The following ZDHHC18 variants were observed in gnomAD, a reference collection of about 807,000 sequenced individuals.
ZDHHC18 encodes the protein palmitoyltransferase ZDHHC18.
Under a neutral mutation model 37.5 loss-of-function variants are expected in ZDHHC18, and 23 were observed. The observed-to-expected ratio is 0.61, with a 90% CI of 0.44 to 0.87. The LOEUF is 0.87. Among genes scored for constraint, ZDHHC18 ranks in the 40% least tolerant of loss-of-function variants. The pLI, the probability that ZDHHC18 is intolerant of heterozygous loss-of-function variation, is 0.00. For missense variants in ZDHHC18, 406 were observed against 525.6 expected, an observed-to-expected ratio of 0.77 and a Z score of 2.22; for synonymous variants, 185 against 218.7, an observed-to-expected ratio of 0.85 and a Z score of 1.36.
intron 3 of ZDHHC18, among the ~76,000 whole-genome samples, chr1:26,849,340 C>G (rs1261408922): frequency 6.6e-6 from 1 of 152,140 alleles, no homozygotes; most frequent in Non-Finnish European, 1.5e-5. Context: ...GATGGGCACC[C>G]TGAGAGGGTG....
At chr1:26,848,067 G>C (rs780885602) in intron 2 of ZDHHC18, among the ~76,000 whole-genome samples, 21 of 152,256 alleles carry the variant, frequency 1.4e-4, no homozygotes, top group Non-Finnish European at 2.8e-4. Flanking sequence ...AATCCTGGCT[G>C]TTTGGGAAGC....
intron 2 of ZDHHC18, among the ~76,000 whole-genome samples, chr1:26,841,133 C>T (rs1302402342): frequency 1.3e-5 from 2 of 152,074 alleles, no homozygotes; most frequent in Non-Finnish European, 2.9e-5. Flanking sequence ...CACACCACCA[C>T]ACCTGGCTAA....
intron 2 of ZDHHC18, among the ~76,000 whole-genome samples, chr1:26,839,867 G>T (rs2081629614): frequency 6.6e-6 from 1 of 152,182 alleles, no homozygotes; most frequent in Non-Finnish European, 1.5e-5. Flanking sequence ...GCACTGTCCG[G>T]TCTGAGAATC....
chr1:26,845,097 GT>G (rs1031485915), intron 2 of ZDHHC18, among the ~76,000 whole-genome samples: 72 of 151,682 alleles, frequency 4.7e-4, no homozygotes, highest in African/African-American at 1.7e-3. Context: ...GCTAATTTTT[GT>G]ATTTTTAGTA....
intron 2 of ZDHHC18, among the ~76,000 whole-genome samples, chr1:26,842,212 A>G (rs2124258489): frequency 6.6e-6 from 1 of 152,054 alleles, no homozygotes; most frequent in South Asian, 2.1e-4. Context: ...CTTGGCTTCA[A>G]GCAATCTTCC....
chr1:26,828,799 A>G (rs1240702391), intron 1 of ZDHHC18, among the ~76,000 whole-genome samples: 1 of 150,928 alleles, frequency 6.6e-6, no homozygotes, highest in Admixed American at 6.6e-5. Context: ...TTTCAGATCC[A>G]CTTCCCTGGG....
chr1:26,843,267 C>T (rs541458336), intron 2 of ZDHHC18, among the ~76,000 whole-genome samples: 29 of 151,214 alleles, frequency 1.9e-4, no homozygotes, highest in African/African-American at 6.5e-4. Flanking sequence ...CTCAGCCTCC[C>T]GAGTAGCTGG....
At chr1:26,852,237 T>G (rs984713318) in intron 6 of ZDHHC18, among the ~76,000 whole-genome samples, 10 of 152,238 alleles carry the variant, frequency 6.6e-5, no homozygotes, top group African/African-American at 2.4e-4. Flanking sequence ...GTCAAGGTAT[T>G]CTTTATTGCT....
rs984089338 is a variant in ZDHHC18, at chr1:26,853,768, G to T, written c.1092G>T (p.Leu364Phe). 3.1e-6 allele frequency: 5 copies of T among 1,613,904 alleles called. No homozygotes were observed. Among genetic ancestry groups the T allele is most frequent in the Non-Finnish European group, 4.2e-6 (5 of 1,180,026 alleles). ...RRGFVQSDTV[L>F]PSPIRSDEPA... is the part of the protein sequence containing the mutation. ...GATTTGTGCAGTCCGACACCGTGTTGCCCTCACCCATCAGAAGCGATGAGC... is the reference window on the plus strand; with the variant it reads ...GATTTGTGCAGTCCGACACCGTGTTTCCCTCACCCATCAGAAGCGATGAGC... The change falls in exon 8 of 8, where the codon TTG becomes TTT. Residue 364 changes from leucine to phenylalanine, a missense_variant. By Grantham distance (22) the Leu-to-Phe change is conservative. Transcript: ENST00000374142.
At chr1:26,836,188 G>T (rs1252204664) in intron 2 of ZDHHC18, among the ~76,000 whole-genome samples, 1 of 152,168 alleles carries the variant, frequency 6.6e-6, no homozygotes, top group East Asian at 1.9e-4. Context: ...AGTGACAGAT[G>T]CTCACTTAGA....
chr1:26,832,589 G>A lies in ZDHHC18; in HGVS notation c.478G>A (p.Ala160Thr), dbSNP rs201275005. ...LPRATVCEAA[A>T]LEKQIDNTGS... is the part of the protein sequence containing the mutation. ...CCGGGCCACTGTCTGTGAAGCAGCCGCCCTGGAGAAACAGATCGGTGAGGT... is the reference window on the plus strand; with the variant it reads ...CCGGGCCACTGTCTGTGAAGCAGCCACCCTGGAGAAACAGATCGGTGAGGT... The change falls in exon 2 of 8, where the codon GCC (alanine) becomes ACC (threonine). Residue 160 changes from alanine (A) to threonine (T), a missense_variant. Transcript: ENST00000374142. 9.4e-5 allele frequency: 151 copies of A among 1,614,006 alleles called. No individual in the cohort carries two copies. The highest frequency in any genetic ancestry group is 4.0e-4 in the Admixed American group (24 of 59,994).
In ZDHHC18 at chr1:26,850,467, T is replaced by G. The variant is rs1274348377; in HGVS notation, c.784+29T>G. The G allele has an allele frequency of 6.2e-7, 1 of 1,613,692 alleles. No homozygotes were observed. The highest frequency in any genetic ancestry group is 8.5e-7 in the Non-Finnish European group (1 of 1,179,946). On this transcript the variant is annotated intron_variant, in intron 4 of 7. Transcript: ENST00000374142. The surrounding 1 kb of genome is among the most constrained non-coding windows in gnomAD (Gnocchi z 6.1). Reference sequence around the variant, plus strand: ...AGTTGTGGGTGAGGGCAGTGGGGAGTGGAAGGGGTCAGCCAGCAAGCTCAA... The same window carrying G: ...AGTTGTGGGTGAGGGCAGTGGGGAGGGGAAGGGGTCAGCCAGCAAGCTCAA...
chr1:26,845,496 C>A (rs2081659557), intron 2 of ZDHHC18, among the ~76,000 whole-genome samples: 1 of 151,190 alleles, frequency 6.6e-6, no homozygotes, highest in African/African-American at 2.4e-5. Context: ...CCACACCCAG[C>A]TAATTTTTGT....
Position 26,853,836 on chromosome 1 carries a change from AC to A in ZDHHC18, c.1164del (p.Ter389AspfsTer13). 6.2e-7 allele frequency: 1 copy of A among 1,613,164 alleles called. No individual in the cohort carries two copies. Among genetic ancestry groups the A allele is most frequent in the Non-Finnish European group, 8.5e-7 (1 of 1,179,944 alleles). Reference sequence around the variant, plus strand: ...CCTGATGCCAGCATGGTAGGAGGCCACCCCTGACCACGGCTCAGTACTTGCC... The same window carrying A: ...CCTGATGCCAGCATGGTAGGAGGCCACCCTGACCACGGCTCAGTACTTGCC... ...AKPDASMVGG[H>X]P On this transcript the variant is annotated frameshift_variant, in exon 8 of 8. Transcript: ENST00000374142. LOFTEE classifies it high-confidence loss of function.
chr1:26,846,636 T>C (rs1267494662), intron 2 of ZDHHC18, among the ~76,000 whole-genome samples: 1 of 151,902 alleles, frequency 6.6e-6, no homozygotes, highest in Non-Finnish European at 1.5e-5. Flanking sequence ...TTTCTTATTA[T>C]GAAAATTTCA....
At chr1:26,848,940 A>C (rs1379709813) in intron 3 of ZDHHC18, among the ~76,000 whole-genome samples, 183 bp downstream of exon 3, 1 of 152,074 alleles carries the variant, frequency 6.6e-6, no homozygotes, top group African/African-American at 2.4e-5. Flanking sequence ...CCCTCAGCAT[A>C]ACCAGGAGTG....
chr1:26,845,320 C>CTTTTTTT lies in ZDHHC18; in HGVS notation c.497-3262_497-3256dup, dbSNP rs71007896. 7.2e-3 allele frequency among the ~76,000 whole-genome samples: 326 copies of CTTTTTTT among 45,252 alleles called. 51 individuals carry two copies. The highest frequency in any genetic ancestry group is 9.8e-3 in the Non-Finnish European group (258 of 26,368). 29.7% of individuals were successfully genotyped at this position (45,252 alleles called of 152,430 possible). On this transcript the variant is annotated intron_variant, in intron 2 of 7. Coordinates refer to ENST00000374142, the MANE Select transcript of ZDHHC18 (RefSeq NM_032283.3). ...CTGCTCTAAAGGTTACTTCTTCATT[C>CTTTTTTT]TTTTTTTTTTTTTTTTTTTTTTTTT...
At chr1:26,847,336 T>G (rs2124264387) in intron 2 of ZDHHC18, among the ~76,000 whole-genome samples, 1 of 151,582 alleles carries the variant, frequency 6.6e-6, no homozygotes. Flanking sequence ...CTCAGCCTCC[T>G]TAGTAGCTGG....
intron 6 of ZDHHC18, among the ~76,000 whole-genome samples, chr1:26,851,701 T>G (rs2081705510): frequency 6.6e-6 from 1 of 152,214 alleles, no homozygotes; most frequent in African/African-American, 2.4e-5. Context: ...TGGTGCCCAG[T>G]CACAGGTATG....
Sources: allele counts gnomAD v4.1 joint callset (sites outside exome capture counted in the v4.1 genomes callset), GRCh38; gene constraint gnomAD v4.1.1; non-coding constraint Gnocchi (gnomAD v3.1); transcripts MANE v1.5; gene names NCBI Gene and HGNC (gene_info 2026-07-23, HGNC 2026-07-21).